The following PIGU variants were observed in gnomAD, a reference collection of about 807,000 sequenced individuals.
PIGU encodes the protein GPI-anchor transamidase component PIGU.
PIGU carries 24 observed loss-of-function variants against 49.9 expected under a neutral mutation model. The observed-to-expected ratio is 0.48, with a 90% CI of 0.35 to 0.68. The LOEUF (loss-of-function observed/expected upper bound fraction) is 0.68, where lower values mean the gene tolerates loss of function less well. PIGU is among the 30% of genes least tolerant of loss of function. PIGU has a pLI of 0.01. For missense variants in PIGU, 490 were observed against 532.6 expected, an observed-to-expected ratio of 0.92 and a Z score of 0.79; for synonymous variants, 220 against 205.7, an observed-to-expected ratio of 1.07 and a Z score of -0.59.
At chr20:34,627,978 C>A (rs991078189) in intron 6 of PIGU, among the ~76,000 whole-genome samples, 2 of 152,114 alleles carry the variant, frequency 1.3e-5, no homozygotes, top group Non-Finnish European at 2.9e-5. Context: ...TACAGAAAGA[C>A]CACTCATAAG....
chr20:34,637,816 T>C (rs756233673), intron 5 of PIGU, 60 bp downstream of exon 5: 1 of 1,588,474 alleles, frequency 6.3e-7, no homozygotes, highest in Non-Finnish European at 8.5e-7. Flanking sequence ...CATGGGAAAG[T>C]CTCATCAGAT....
chr20:34,570,688 C>T (rs563961092), intron 11 of PIGU, among the ~76,000 whole-genome samples: 99 of 152,250 alleles, frequency 6.5e-4, no homozygotes, highest in African/African-American at 2.0e-3. Context: ...TGAGCCACCG[C>T]GCCCGGCCGC....
At chr20:34,665,487 G>C (rs1463173197) in intron 1 of PIGU, among the ~76,000 whole-genome samples, 3 of 151,668 alleles carry the variant, frequency 2.0e-5, no homozygotes, top group African/African-American at 7.3e-5. Flanking sequence ...ACAGGCGTGA[G>C]CCACCGCGCC....
At chr20:34,668,838 G>GAAA in intron 1 of PIGU, among the ~76,000 whole-genome samples, 1 of 101,418 alleles carries the variant, frequency 9.9e-6, no homozygotes. Context: ...TCATAGAACA[G>GAAA]AAAAAAAATT....
Position 34,588,610 on chromosome 20 carries a change from GGA to G in PIGU, c.628-5_628-4del. On this transcript the variant is annotated splice_region_variant and splice_polypyrimidine_tract_variant and intron_variant, in intron 7 of 11. Coordinates refer to ENST00000217446, the MANE Select transcript of PIGU (RefSeq NM_080476.5). ...ATTTTCACAGGTATGTACTGCCGCT[GGA>G]GAGAAGGCAAAGTGATATAAACTTA... 6.2e-7 allele frequency: 1 copy of G among 1,611,202 alleles called. No homozygotes were observed.
At chr20:34,650,286 G>A (rs946247796) in intron 2 of PIGU, among the ~76,000 whole-genome samples, 8 of 150,150 alleles carry the variant, frequency 5.3e-5, no homozygotes, top group African/African-American at 1.7e-4. Context: ...TTTTTTGGGA[G>A]GGGGGAAAGG....
chr20:34,666,529 T>A (rs144238017), intron 1 of PIGU, among the ~76,000 whole-genome samples: 4,839 of 150,812 alleles, frequency 0.032, 84 homozygotes, highest in African/African-American at 0.046. Flanking sequence ...TTAATTAATT[T>A]ATTTATTTAT....
intron 10 of PIGU, among the ~76,000 whole-genome samples, chr20:34,578,013 A>T (rs1233305785): frequency 6.6e-6 from 1 of 152,194 alleles, no homozygotes; most frequent in Non-Finnish European, 1.5e-5. Flanking sequence ...TTGAGAAATG[A>T]TAGGTATCAT....
chr20:34,578,831 C>T (rs897322042), intron 10 of PIGU, among the ~76,000 whole-genome samples: 1 of 152,196 alleles, frequency 6.6e-6, no homozygotes, highest in Admixed American at 6.5e-5. Flanking sequence ...CAGAAAGCGT[C>T]AGAGGTGACC....
At chr20:34,612,703 A>G (rs1331661623) in intron 7 of PIGU, among the ~76,000 whole-genome samples, 1 of 150,784 alleles carries the variant, frequency 6.6e-6, no homozygotes, top group Non-Finnish European at 1.5e-5. Flanking sequence ...GGCTCCTGCA[A>G]CCTCTGCCTC....
At chr20:34,618,724 C>T (rs1478636555) in intron 6 of PIGU, among the ~76,000 whole-genome samples, 1 of 152,132 alleles carries the variant, frequency 6.6e-6, no homozygotes, top group Non-Finnish European at 1.5e-5. Context: ...GAGGTTGAGG[C>T]TGCAGTGAGC....
rs114869127 is a variant in PIGU, at chr20:34,674,386, G to A, written c.130+2570C>T. Among the ~76,000 whole-genome samples the A allele has an allele frequency of 2.8e-3, 419 of 152,102 alleles. 1 individual carries two copies. The highest frequency in any genetic ancestry group is 9.6e-3 in the African/African-American group (398 of 41,482). On this transcript the variant is annotated intron_variant, in intron 1 of 11. Transcript: ENST00000217446. Reference sequence around the variant, plus strand: ...AAAAAAGAATTCATACAGCTTATAAGTTGCAGAACTAGAGAAAGAGTCAAA... The same window carrying A: ...AAAAAAGAATTCATACAGCTTATAAATTGCAGAACTAGAGAAAGAGTCAAA...
chr20:34,601,182 G>A (rs1470283321), intron 7 of PIGU, among the ~76,000 whole-genome samples: 3 of 152,100 alleles, frequency 2.0e-5, no homozygotes, highest in African/African-American at 7.2e-5. Context: ...GACCTAAAGT[G>A]CTCTCAGTGT....
intron 11 of PIGU, among the ~76,000 whole-genome samples, chr20:34,568,593 G>A (rs1175975187): frequency 1.3e-5 from 2 of 152,118 alleles, no homozygotes; most frequent in African/African-American, 2.4e-5. Context: ...CACCCAACAC[G>A]TCTCCAAGCA....
At chr20:34,598,003 G>A (rs528871725) in intron 7 of PIGU, among the ~76,000 whole-genome samples, 33 of 152,184 alleles carry the variant, frequency 2.2e-4, no homozygotes, top group African/African-American at 7.9e-4. Context: ...CCAGGAGCTC[G>A]AGACCAGCCT....
chr20:34,650,608 C>A (rs1014872029), intron 2 of PIGU, among the ~76,000 whole-genome samples: 1 of 149,038 alleles, frequency 6.7e-6, no homozygotes, highest in Non-Finnish European at 1.5e-5. Flanking sequence ...TTGATAACTT[C>A]AATATCTAAA....
chr20:34,590,975 T>C (rs895545831), intron 7 of PIGU, among the ~76,000 whole-genome samples: 59 of 151,280 alleles, frequency 3.9e-4, no homozygotes, highest in African/African-American at 1.4e-3. Context: ...GAGCCGAGAT[T>C]GCACCACTGC....
rs761210028 is a variant in PIGU at position 34,676,958 on chromosome 20, C to G, written c.128G>C (p.Arg43Thr). Reference protein sequence around the residue: ...EVVSPLSSWKRVVEGLSLLDL... With the variant: ...EVVSPLSSWKTVVEGLSLLDL... ...TCTGCTCGAGCCAGTGGCCTCACCTCTCTTCCAAGAGCTCAGTGGGGACAC... is the reference window on the plus strand; with the variant it reads ...TCTGCTCGAGCCAGTGGCCTCACCTGTCTTCCAAGAGCTCAGTGGGGACAC... The change falls in exon 1 of 12, where the codon AGA becomes ACA. Residue 43 changes from arginine (R) to threonine (T), a missense_variant and splice_region_variant. Transcript: ENST00000217446. 4 of 1,570,712 alleles carry G rather than the reference C, an allele frequency of 2.5e-6. No homozygotes were observed. In the South Asian group the frequency reaches 3.5e-5, roughly 14 times the overall value.
rs867116629 is a variant in PIGU at position 34,675,268 on chromosome 20, A to G, written c.130+1688T>C. On this transcript the variant is annotated intron_variant, in intron 1 of 11. Transcript: ENST00000217446. ...CATCTCAAAAAAAAAAAAAAAAAAA[A>G]AGAGAGAGAGAGAAAATGTGGAAAA... Among the ~76,000 whole-genome samples the G allele has an allele frequency of 5.1e-3, 661 of 130,300 alleles. 7 individuals carry two copies. Among genetic ancestry groups the G allele is most frequent in the African/African-American group, 0.018 (623 of 35,160 alleles). 85.5% of individuals were successfully genotyped at this position (130,300 alleles called of 152,430 possible).
Sources: allele counts gnomAD v4.1 joint callset (sites outside exome capture counted in the v4.1 genomes callset), GRCh38; gene constraint gnomAD v4.1.1; transcripts MANE v1.5; gene names NCBI Gene and HGNC (gene_info 2026-07-23, HGNC 2026-07-21).